The following OPCML variants were observed in gnomAD, a reference collection of about 807,000 sequenced individuals.
OPCML encodes the protein opioid-binding protein/cell adhesion molecule.
In OPCML, 13 loss-of-function variants were observed where a neutral mutation model predicts 37.8. That is an observed-to-expected ratio of 0.34 (90% confidence interval 0.22 to 0.55). The LOEUF is 0.55. OPCML is among the 20% of genes least tolerant of loss of function. The pLI, the probability that OPCML is intolerant of heterozygous loss-of-function variation, is 0.91. For synonymous variants in OPCML, 176 were observed against 168.8 expected, an observed-to-expected ratio of 1.04 and a Z score of -0.33; for missense variants, 341 against 435.6, an observed-to-expected ratio of 0.78 and a Z score of 1.93.
In OPCML at chr11:133,082,107, G is replaced by C. The variant is rs1045814637; in HGVS notation, c.62-139097C>G. Among the ~76,000 whole-genome samples, 7 of 152,056 alleles carry C rather than the reference G, an allele frequency of 4.6e-5. No homozygotes were observed. In the South Asian group the frequency reaches 1.4e-3, roughly 31 times the overall value. ...GACGGCCGGGGGTGACCCGGGCCCAGAGCAGCTCCCGGCTCAGGGACCCCT... is the reference window on the plus strand; with the variant it reads ...GACGGCCGGGGGTGACCCGGGCCCACAGCAGCTCCCGGCTCAGGGACCCCT... On this transcript the variant is annotated intron_variant, in intron 1 of 7. Transcript: ENST00000524381.
chr11:133,528,225 CCTT>C (rs1471442298), intron 1 of OPCML, among the ~76,000 whole-genome samples: 2 of 152,242 alleles, frequency 1.3e-5, no homozygotes, highest in Non-Finnish European at 2.9e-5. Flanking sequence ...GATGCTATCT[CCTT>C]CTCAGCACCT....
At chr11:133,150,615 G>T (rs1048316630) in intron 1 of OPCML, among the ~76,000 whole-genome samples, 2 of 152,178 alleles carry the variant, frequency 1.3e-5, no homozygotes, top group African/African-American at 2.4e-5. Context: ...ACTGTGGGAT[G>T]CAGGCTGCCT....
At chr11:132,438,549 C>G (rs1297224412) in intron 4 of OPCML, among the ~76,000 whole-genome samples, 1 of 150,768 alleles carries the variant, frequency 6.6e-6, no homozygotes, top group African/African-American at 2.4e-5. Flanking sequence ...GGATGGTGTG[C>G]AAGTGTATAG....
intron 1 of OPCML, among the ~76,000 whole-genome samples, chr11:132,971,393 A>T (rs147574376): frequency 4.5e-4 from 68 of 152,252 alleles, no homozygotes; most frequent in African/African-American, 1.5e-3. Flanking sequence ...ACAGATTTTC[A>T]TGACTTTATC....
chr11:132,779,560 G>C (rs972566837), intron 2 of OPCML, among the ~76,000 whole-genome samples: 1 of 151,758 alleles, frequency 6.6e-6, no homozygotes, highest in Non-Finnish European at 1.5e-5. Flanking sequence ...GACAGAAGGG[G>C]GGCGTGGGGA....
chr11:133,510,868 A>G (rs1016427522), intron 1 of OPCML, among the ~76,000 whole-genome samples: 1 of 151,248 alleles, frequency 6.6e-6, no homozygotes, highest in Non-Finnish European at 1.5e-5. Context: ...TTTACATGTC[A>G]TTGATATGCC....
At chr11:132,570,110 T>G (rs2096433865) in intron 3 of OPCML, among the ~76,000 whole-genome samples, 1 of 152,166 alleles carries the variant, frequency 6.6e-6, no homozygotes, top group African/African-American at 2.4e-5. Context: ...TGAATCAAAA[T>G]TCATAAATAA....
chr11:133,466,940 G>GT (rs1248157011), intron 1 of OPCML, among the ~76,000 whole-genome samples: 3 of 151,488 alleles, frequency 2.0e-5, no homozygotes, highest in East Asian at 2.0e-4. Flanking sequence ...GAGTTGTTTT[G>GT]TTTTTTTAAA....
intron 4 of OPCML, among the ~76,000 whole-genome samples, chr11:132,469,967 T>C (rs1243547573): frequency 6.7e-6 from 1 of 149,492 alleles, no homozygotes; most frequent in Non-Finnish European, 1.5e-5. Context: ...GTATGTGTGT[T>C]TGTGGTGGGG....
chr11:132,988,543 G>A (rs916998349), intron 1 of OPCML, among the ~76,000 whole-genome samples: 11 of 152,206 alleles, frequency 7.2e-5, no homozygotes, highest in African/African-American at 2.7e-4. Flanking sequence ...GGGGAGGGCT[G>A]CGCGGCCTTC....
chr11:132,636,246 A>T (rs1288312081), intron 3 of OPCML, among the ~76,000 whole-genome samples: 2 of 152,230 alleles, frequency 1.3e-5, no homozygotes, highest in Non-Finnish European at 2.9e-5. Context: ...AGCGCCTCTG[A>T]AACTTTGCAA....
At chr11:132,804,083 C>T (rs530654491) in intron 2 of OPCML, among the ~76,000 whole-genome samples, 57 of 152,192 alleles carry the variant, frequency 3.7e-4, no homozygotes, top group East Asian at 3.3e-3. Context: ...TAATTGTCTT[C>T]GGTCAGTAAA....
intron 2 of OPCML, among the ~76,000 whole-genome samples, chr11:132,812,534 G>A (rs190478067): frequency 9.7e-4 from 148 of 152,268 alleles, no homozygotes; most frequent in African/African-American, 3.4e-3. Context: ...ACAGCAATTA[G>A]GAGGTTATTG....
intron 2 of OPCML, among the ~76,000 whole-genome samples, chr11:132,895,034 T>A (rs1397834435): frequency 6.6e-6 from 1 of 152,214 alleles, no homozygotes; most frequent in African/African-American, 2.4e-5. Flanking sequence ...GTGCAGATTT[T>A]AGTACCAACA....
chr11:132,810,633 G>A (rs1939286966), intron 2 of OPCML, among the ~76,000 whole-genome samples: 1 of 152,210 alleles, frequency 6.6e-6, no homozygotes, highest in South Asian at 2.1e-4. Flanking sequence ...GGAGATTGCA[G>A]TGAGCTGAGA....
chr11:132,823,212 C>G (rs1188117099), intron 2 of OPCML, among the ~76,000 whole-genome samples: 1 of 152,070 alleles, frequency 6.6e-6, no homozygotes, highest in African/African-American at 2.4e-5. Context: ...TTTTTTTCTC[C>G]TAGCTTCCTC....
chr11:132,873,216 A>G (rs774663065), intron 2 of OPCML, among the ~76,000 whole-genome samples: 4 of 152,216 alleles, frequency 2.6e-5, no homozygotes, highest in Non-Finnish European at 5.9e-5. Context: ...CTTAGATTTC[A>G]TAACAATTCT....
chr11:133,436,907 C>T (rs1946245568), intron 1 of OPCML, among the ~76,000 whole-genome samples: 1 of 152,188 alleles, frequency 6.6e-6, no homozygotes, highest in Admixed American at 6.5e-5. Flanking sequence ...CATTTATACA[C>T]ACTCATGGCT....
intron 1 of OPCML, among the ~76,000 whole-genome samples, chr11:133,347,778 C>CGAATG (rs1409677059): frequency 1.3e-5 from 2 of 152,134 alleles, no homozygotes; most frequent in South Asian, 4.1e-4. Context: ...AGTTGTGTAT[C>CGAATG]ATTCACTTCA....
Sources: gnomAD v4.1 joint callset for allele counts (sites outside exome capture counted in the v4.1 genomes callset) on GRCh38, gnomAD v4.1.1 for gene constraint, MANE v1.5 for transcripts, NCBI Gene and HGNC (gene_info 2026-07-23, HGNC 2026-07-21) for gene names.